ELMO1: variants seen among roughly 807,000 people sequenced by gnomAD.
The protein encoded by ELMO1 is engulfment and cell motility protein 1.
A neutral mutation model predicts 98.9 loss-of-function variants in ELMO1; 26 were observed. That is an observed-to-expected ratio of 0.26 (90% CI 0.19 to 0.36). ELMO1 has a LOEUF of 0.36. ELMO1 is among the 10% of genes least tolerant of loss of function. The probability of loss-of-function intolerance (pLI) is 1.00; values close to 1 mark genes in which losing one functional copy is unlikely to be tolerated. For missense variants in ELMO1, 627 were observed against 935.2 expected (o/e 0.67, Z 4.30); for synonymous variants, 346 against 346.0 (o/e 1.00, Z 0.00).
At chr7:37,429,493 T>C (rs1457526568) in intron 1 of ELMO1, 1 of 152,278 alleles carries the variant, frequency 6.6e-6, no homozygotes, top group Non-Finnish European at 1.5e-5. Flanking sequence ...AGGGCTGATC[T>C]TCAGTTTCAC....
intron 16 of ELMO1, among the ~76,000 whole-genome samples, chr7:37,011,055 G>A (rs542239285): frequency 6.6e-6 from 1 of 152,278 alleles, no homozygotes; most frequent in South Asian, 2.1e-4. Context: ...TCCCTACTTG[G>A]CAATAGAGGT....
At chr7:37,130,602 AG>A (rs1786851304) in intron 14 of ELMO1, among the ~76,000 whole-genome samples, 1 of 152,186 alleles carries the variant, frequency 6.6e-6, no homozygotes, top group South Asian at 2.1e-4. Flanking sequence ...AATGGAGAGA[AG>A]TCTTGGAGCA....
intron 4 of ELMO1, among the ~76,000 whole-genome samples, chr7:37,282,834 T>C (rs1797209965): frequency 6.6e-6 from 1 of 152,212 alleles, no homozygotes; most frequent in African/African-American, 2.4e-5. Flanking sequence ...GTTTGACTTC[T>C]TTTCTACTTT....
chr7:37,177,775 G>A (rs1790573358), intron 13 of ELMO1, among the ~76,000 whole-genome samples: 1 of 152,174 alleles, frequency 6.6e-6, no homozygotes, highest in Admixed American at 6.5e-5. Flanking sequence ...TTACTATGTG[G>A]TATATACTGG....
intron 1 of ELMO1, among the ~76,000 whole-genome samples, chr7:37,405,557 A>G (rs188989398): frequency 6.6e-6 from 1 of 152,336 alleles, no homozygotes; most frequent in East Asian, 1.9e-4. Context: ...GTGTTCCTTC[A>G]TTTCACATTT....
At chr7:37,050,628 A>ACACG (rs1796051226) in intron 15 of ELMO1, among the ~76,000 whole-genome samples, 2 of 150,302 alleles carry the variant, frequency 1.3e-5, no homozygotes, top group Non-Finnish European at 3.0e-5. Context: ...ACACACACAC[A>ACACG]CACACACACA....
chr7:36,935,674 A>G (rs1345758387), intron 16 of ELMO1, among the ~76,000 whole-genome samples: 17 of 152,252 alleles, frequency 1.1e-4, no homozygotes, highest in Admixed American at 1.0e-3. Context: ...AGGGGCACAC[A>G]CATTTTGAGG....
chr7:37,244,422 G>T lies in ELMO1; in HGVS notation c.414-31C>A, dbSNP rs556929944. ...AAATTTAAAAACAACCATGTGAGGA[G>T]CATACTTAAAAGCAACAATTTTTAC... is the stretch of plus-strand genomic sequence containing the variant. On this transcript the variant is annotated intron_variant, in intron 6 of 21. Transcript: ENST00000310758. 2.1e-5 allele frequency: 33 copies of T among 1,607,996 alleles called. No individual in the cohort carries two copies. In the South Asian group the frequency reaches 3.3e-4, roughly 16 times the overall value.
rs116983418 is a variant in ELMO1 at position 37,323,803 on chromosome 7, C to T, written c.79-7843G>A. Among the ~76,000 whole-genome samples, 590 of 152,266 alleles carry T rather than the reference C, an allele frequency of 3.9e-3. 27 individuals carry two copies. In the East Asian group the frequency reaches 0.095, roughly 25 times the overall value. Reference sequence around the variant, plus strand: ...ACTAATTTCTAAATCCATGTCTCCCCTCTGAGCCGTCTTCTAGGTTTAGTC... The same window carrying T: ...ACTAATTTCTAAATCCATGTCTCCCTTCTGAGCCGTCTTCTAGGTTTAGTC... On this transcript the variant is annotated intron_variant, in intron 2 of 21. Transcript: ENST00000310758.
At chr7:37,440,440 T>TA (rs1805360648) in intron 1 of ELMO1, among the ~76,000 whole-genome samples, 1 of 82,464 alleles carries the variant, frequency 1.2e-5, no homozygotes. Context: ...AGACTCTAGC[T>TA]CAAAAAAAAA....
intron 14 of ELMO1, among the ~76,000 whole-genome samples, chr7:37,105,314 T>C (rs1784884254): frequency 6.6e-6 from 1 of 152,256 alleles, no homozygotes; most frequent in South Asian, 2.1e-4. Context: ...CTGCTGACTA[T>C]TCAAAGGCCA....
At chr7:37,232,388 A>G (rs148215661) in intron 8 of ELMO1, among the ~76,000 whole-genome samples, 3 of 152,256 alleles carry the variant, frequency 2.0e-5, no homozygotes, top group African/African-American at 7.2e-5. Flanking sequence ...AATAAATGAT[A>G]ATTGTCCATG....
At chr7:37,190,416 G>T (rs748419995) in intron 13 of ELMO1, among the ~76,000 whole-genome samples, 1 of 152,018 alleles carries the variant, frequency 6.6e-6, no homozygotes. Flanking sequence ...CTTTCATTAC[G>T]GTCTATCAGA....
At chr7:36,915,646 A>G (rs1335022273) in intron 16 of ELMO1, among the ~76,000 whole-genome samples, 1 of 152,218 alleles carries the variant, frequency 6.6e-6, no homozygotes, top group Non-Finnish European at 1.5e-5. Flanking sequence ...CTGTCTTCCA[A>G]TCTTCCTTTC....
chr7:37,151,797 C>T (rs1211626059), intron 13 of ELMO1, among the ~76,000 whole-genome samples: 2 of 152,114 alleles, frequency 1.3e-5, no homozygotes, highest in African/African-American at 4.8e-5. Flanking sequence ...TCAAATGCAT[C>T]GTGTGACACC....
chr7:37,376,950 C>T (rs1226133441), intron 1 of ELMO1, among the ~76,000 whole-genome samples: 2 of 152,192 alleles, frequency 1.3e-5, no homozygotes, highest in African/African-American at 2.4e-5. Context: ...ATTACCAATG[C>T]TCCTGGACTT....
chr7:37,255,834 T>C (rs1253785723), intron 6 of ELMO1, among the ~76,000 whole-genome samples: 2 of 151,934 alleles, frequency 1.3e-5, no homozygotes, highest in Non-Finnish European at 2.9e-5. Flanking sequence ...TTTACATTTT[T>C]ATTTAACATG....
At chr7:36,906,815 C>T (rs1326830574) in intron 16 of ELMO1, among the ~76,000 whole-genome samples, 3 of 151,726 alleles carry the variant, frequency 2.0e-5, no homozygotes, top group African/African-American at 4.8e-5. Context: ...GCTGTGTAAA[C>T]AAATTATAAG....
intron 15 of ELMO1, among the ~76,000 whole-genome samples, chr7:37,038,462 C>T (rs1795315587): frequency 1.3e-5 from 2 of 152,178 alleles, no homozygotes; most frequent in African/African-American, 2.4e-5. Context: ...AACTCCACAC[C>T]AGTGACCCAA....
Sources: gnomAD v4.1 joint callset for allele counts (sites outside exome capture counted in the v4.1 genomes callset) on GRCh38, gnomAD v4.1.1 for gene constraint, MANE v1.5 for transcripts, NCBI Gene and HGNC (gene_info 2026-07-23, HGNC 2026-07-21) for gene names.